Variants in RNF112 observed in about 807,000 individuals in gnomAD.
RNF112 encodes ring finger protein 112, also known as brain finger protein.
RNF112 carries 34 observed loss-of-function variants against 64.7 expected under a neutral mutation model. The observed-to-expected ratio is 0.53, with a 90% CI of 0.40 to 0.70. RNF112 has a LOEUF of 0.70. Among genes scored for constraint, RNF112 ranks in the 30% least tolerant of loss-of-function variants. The pLI, the probability that RNF112 is intolerant of heterozygous loss-of-function variation, is 0.00. For missense variants in RNF112, 734 were observed against 850.0 expected (o/e 0.86, Z 1.70); for synonymous variants, 345 against 344.5 (o/e 1.00, Z -0.02).
Position 19,415,221 on chromosome 17 carries a change from C to T in RNF112, c.1296+14C>T. On this transcript the variant is annotated intron_variant, in intron 11 of 13. Coordinates refer to ENST00000461366, the MANE Select transcript of RNF112 (RefSeq NM_007148.5). The surrounding 1 kb of genome is among the most constrained non-coding windows in gnomAD (Gnocchi z 7.8). ...CAGGAAATCAAGGTGTGAAAACTCC[C>T]TGGAGACCCAGGCGACTCGGCTGGG... 1 of 1,601,824 alleles carries T rather than the reference C, an allele frequency of 6.2e-7. No homozygotes were observed. Among genetic ancestry groups the T allele is most frequent in the East Asian group, 2.2e-5 (1 of 44,840 alleles).
rs1296843994 is a variant in RNF112, at chr17:19,417,268, G to A, written c.*1093G>A. On this transcript the variant is annotated 3_prime_UTR_variant, in exon 14 of 14. Coordinates refer to ENST00000461366, the MANE Select transcript of RNF112 (RefSeq NM_007148.5). Reference sequence around the variant, plus strand: ...TTATTTTATGAAAAATAAAATGTGTGTATGTGAATGTCAGCTTCCCAGTAT... The same window carrying A: ...TTATTTTATGAAAAATAAAATGTGTATATGTGAATGTCAGCTTCCCAGTAT... 18 of 152,214 alleles carry A rather than the reference G, an allele frequency of 1.2e-4. No individual in the cohort carries two copies. Among genetic ancestry groups the A allele is most frequent in the Admixed American group, 1.2e-3 (18 of 15,274 alleles). 9.4% of individuals were successfully genotyped at this position (152,214 alleles called of 1,614,324 possible).
chr17:19,412,967 G>A lies in RNF112; in HGVS notation c.411G>A (p.Leu137=), dbSNP rs752733737. Residue 137 remains leucine (L), a synonymous_variant, in exon 4 of 14, where the codon CTG becomes CTA. Transcript: ENST00000461366. The surrounding 1 kb of genome is among the most constrained non-coding windows in gnomAD (Gnocchi z 5.1). ...CGTGTCCTGTGAGGGCGGAGCCGCT[G>A]CTGCTGGTTCGCATCAATGCCTCTG... is the stretch of plus-strand genomic sequence containing the variant. The part of the protein sequence containing the change: ...QETCPVRAEP[L]LLVRINASGG... The A allele has an allele frequency of 3.7e-6, 6 of 1,604,604 alleles. No individual in the cohort carries two copies. The Admixed American group carries it at 1.0e-4, about 27-fold the overall frequency.
Position 19,415,556 on chromosome 17 carries a change from T to G in RNF112, c.1389T>G (p.Ala463=), listed in dbSNP as rs1384265524. The G allele has an allele frequency of 6.2e-7, 1 of 1,612,696 alleles. No homozygotes were observed. Among genetic ancestry groups the G allele is most frequent in the Non-Finnish European group, 8.5e-7 (1 of 1,179,536 alleles). ...TGCACGACCTGAGGAAGGTGGAAGC[T>G]GCCAAGAGGGAGTTCGAGGAGTATG... ...AQLHDLRKVE[A]AKREFEEYVR... The change falls in exon 13 of 14, where the codon GCT becomes GCG. Residue 463 remains alanine (A), a synonymous_variant. Coordinates refer to ENST00000461366, the MANE Select transcript of RNF112 (RefSeq NM_007148.5). This position sits in a 1 kb window ranked among gnomAD's most constrained non-coding sequence, Gnocchi z 7.8.
rs1456506055 is a variant in RNF112, at chr17:19,412,136, C to T, written c.96-362C>T. Among the ~76,000 whole-genome samples the T allele has an allele frequency of 6.6e-6, 1 of 152,212 alleles. No homozygotes were observed. The highest frequency in any genetic ancestry group is 2.4e-5 in the African/African-American group (1 of 41,458). ...ACGGCCCCATGAGGGGTATTGCTAT[C>T]CTCTCCATTGGGACAGTTAGGAAAT... is the stretch of plus-strand genomic sequence containing the variant. On this transcript the variant is annotated intron_variant, in intron 2 of 13. Coordinates refer to ENST00000461366, the MANE Select transcript of RNF112 (RefSeq NM_007148.5). This position sits in a 1 kb window ranked among gnomAD's most constrained non-coding sequence, Gnocchi z 5.1.
rs540023614 is a variant in RNF112 at position 19,416,239 on chromosome 17, C to T, written c.*64C>T. On this transcript the variant is annotated 3_prime_UTR_variant, in exon 14 of 14. Transcript: ENST00000461366. ...GTGGGGATGAAGAAGAGGGGCAGGT[C>T]GGGGGAGGGTGATGCCAGGGATTCC... The T allele has an allele frequency of 4.9e-4, 690 of 1,395,864 alleles. No individual in the cohort carries two copies. The African/African-American group carries it at 8.2e-3, about 17-fold the overall frequency. The allele number at this position is 1,395,864 out of a possible 1,614,324, so 86.5% of individuals were successfully genotyped here.
At chr17:19,414,382 C>T in intron 7 of RNF112, 67 bp from the exon 8 acceptor site, 2 of 1,586,066 alleles carry the variant, frequency 1.3e-6, no homozygotes, top group Admixed American at 1.7e-5. Flanking sequence ...GGTGGGGAGA[C>T]AGGCTTGGGG....
In RNF112 at chr17:19,415,815, A is replaced by T. The variant is rs778418138; in HGVS notation, c.1536A>T (p.Leu512Phe). The T allele has an allele frequency of 2.4e-5, 38 of 1,613,520 alleles. No homozygotes were observed. In the South Asian group the frequency reaches 4.2e-4, roughly 18 times the overall value. Residue 512 changes from leucine to phenylalanine, a missense_variant, in exon 14 of 14, where the codon TTA (leucine) becomes TTT (phenylalanine). Transcript: ENST00000461366. The surrounding 1 kb of genome is among the most constrained non-coding windows in gnomAD (Gnocchi z 7.8). ...DAILARHGVA[L>F]LCKGRDQTLE... ...TTCTGGCCCGCCATGGTGTGGCCTT[A>T]CTCTGCAAGGGGAGAGATCAGACCT...
intron 2 of RNF112, 95 bp downstream of exon 2, chr17:19,411,765 A>T: frequency 3.0e-6 from 4 of 1,322,744 alleles, no homozygotes; most frequent in East Asian, 2.5e-5. Context: ...CCGGCAGCCC[A>T]GCCGGGAGGG....
intron 1 of RNF112, 77 bp from the exon 2 acceptor site, chr17:19,411,553 G>C: frequency 6.5e-7 from 1 of 1,538,134 alleles, no homozygotes; most frequent in Non-Finnish European, 8.8e-7. Flanking sequence ...GGAGGATGAG[G>C]GGTCCCTGGA....
rs1414525871 is a variant in RNF112 at position 19,412,908 on chromosome 17, C to T, written c.382-30C>T. On this transcript the variant is annotated intron_variant, in intron 3 of 13. Coordinates refer to ENST00000461366, the MANE Select transcript of RNF112 (RefSeq NM_007148.5). This position sits in a 1 kb window ranked among gnomAD's most constrained non-coding sequence, Gnocchi z 5.1. ...CAGGGTCAGGAGCTGGTCCTGGATG[C>T]TCAGGGGCCCCTCTCTTCTCCTGGC... 1 of 1,564,326 alleles carries T rather than the reference C, an allele frequency of 6.4e-7. No homozygotes were observed. Among genetic ancestry groups the T allele is most frequent in the Non-Finnish European group, 8.7e-7 (1 of 1,155,828 alleles).
In RNF112 at chr17:19,415,870, A is replaced by G. The variant is rs775572929; in HGVS notation, c.1591A>G (p.Thr531Ala). ...LEALEAELQA[T>A]AKAFMDSYTM... is the part of the protein sequence containing the mutation. ...GGCACTGGAAGCTGAGCTGCAGGCC[A>G]CGGCCAAGGCCTTCATGGACTCCTA... The change falls in exon 14 of 14, where the codon ACG becomes GCG. Residue 531 changes from threonine (T) to alanine (A), a missense_variant. By Grantham distance (58) the Thr-to-Ala change is moderately conservative. Coordinates refer to ENST00000461366, the MANE Select transcript of RNF112 (RefSeq NM_007148.5). This position sits in a 1 kb window ranked among gnomAD's most constrained non-coding sequence, Gnocchi z 7.8. 6.2e-7 allele frequency: 1 copy of G among 1,613,742 alleles called. No individual in the cohort carries two copies. Among genetic ancestry groups the G allele is most frequent in the Non-Finnish European group, 8.5e-7 (1 of 1,179,854 alleles).
At position 19,412,399 on chromosome 17, in the gene RNF112, C is replaced by G. The variant is rs921151256; in HGVS notation, c.96-99C>G. ...TGGAAATTGGGTTGGCACAAAGGGA[C>G]CTCCACTCCCAAGCCATCAGTCTTC... On this transcript the variant is annotated intron_variant, in intron 2 of 13. Coordinates refer to ENST00000461366, the MANE Select transcript of RNF112 (RefSeq NM_007148.5). This position sits in a 1 kb window ranked among gnomAD's most constrained non-coding sequence, Gnocchi z 5.1. 2 of 1,314,610 alleles carry G rather than the reference C, an allele frequency of 1.5e-6. No homozygotes were observed. The highest frequency in any genetic ancestry group is 1.5e-5 in the African/African-American group (1 of 66,964). 81.4% of individuals were successfully genotyped at this position (1,314,610 alleles called of 1,614,324 possible).
intron 2 of RNF112, 144 bp downstream of exon 2, chr17:19,411,814 A>C: frequency 1.2e-6 from 1 of 849,452 alleles, no homozygotes; most frequent in Non-Finnish European, 1.9e-6. Context: ...CTGTGGAGGG[A>C]GGGACAGGAA....
Position 19,415,994 on chromosome 17 carries a change from C to T in RNF112, c.1715C>T (p.Ala572Val). ...AGGVVGAGMA[A>V]AALAAEAGMV... ...GGCGTGGTGGGTGCTGGCATGGCAGCAGCTGCACTGGCTGCAGAGGCTGGG... is the reference window on the plus strand; with the variant it reads ...GGCGTGGTGGGTGCTGGCATGGCAGTAGCTGCACTGGCTGCAGAGGCTGGG... The change falls in exon 14 of 14, where the codon GCA becomes GTA. Residue 572 changes from alanine (A) to valine (V), a missense_variant. By Grantham distance (64) the Ala-to-Val change is moderately conservative. Transcript: ENST00000461366. The surrounding 1 kb of genome is among the most constrained non-coding windows in gnomAD (Gnocchi z 7.8). The T allele has an allele frequency of 6.4e-7, 1 of 1,560,712 alleles. No homozygotes were observed.
At chr17:19,411,489 A>G in intron 1 of RNF112, 27 bp downstream of exon 1, 1 of 1,315,372 alleles carries the variant, frequency 7.6e-7, no homozygotes. Flanking sequence ...AAGATCGGGA[A>G]GGAGAGTGGG....
intron 2 of RNF112, 65 bp downstream of exon 2, chr17:19,411,735 C>T (rs569827577): frequency 1.3e-6 from 2 of 1,501,878 alleles, no homozygotes; most frequent in Admixed American, 2.0e-5. Context: ...GTTGAAATGG[C>T]CGGTCCTGGA....
chr17:19,416,299 A>G lies in RNF112; in HGVS notation c.*124A>G. 4.4e-6 allele frequency: 4 copies of G among 906,416 alleles called. No individual in the cohort carries two copies. Among genetic ancestry groups the G allele is most frequent in the Non-Finnish European group, 6.4e-6 (4 of 626,684 alleles). 56.1% of individuals were successfully genotyped at this position (906,416 alleles called of 1,614,324 possible). On this transcript the variant is annotated 3_prime_UTR_variant, in exon 14 of 14. Coordinates refer to ENST00000461366, the MANE Select transcript of RNF112 (RefSeq NM_007148.5). Reference sequence around the variant, plus strand: ...CCATGTACTGCACTGCCCTGGTCGAATGCTCGGTGTCTGGGTGGCAGCTGA... The same window carrying G: ...CCATGTACTGCACTGCCCTGGTCGAGTGCTCGGTGTCTGGGTGGCAGCTGA...
chr17:19,412,912 GGGGCCCCTCTCTTCTCCT>G lies in RNF112; in HGVS notation c.382-23_382-6del. 2 of 1,566,492 alleles carry G rather than the reference GGGGCCCCTCTCTTCTCCT, an allele frequency of 1.3e-6. No homozygotes were observed. The highest frequency in any genetic ancestry group is 1.7e-6 in the Non-Finnish European group (2 of 1,156,964). On this transcript the variant is annotated splice_region_variant and splice_polypyrimidine_tract_variant and intron_variant, in intron 3 of 13. Coordinates refer to ENST00000461366, the MANE Select transcript of RNF112 (RefSeq NM_007148.5). This position sits in a 1 kb window ranked among gnomAD's most constrained non-coding sequence, Gnocchi z 5.1. The stretch of plus-strand genomic sequence containing the variant: ...GTCAGGAGCTGGTCCTGGATGCTCA[GGGGCCCCTCTCTTCTCCT>G]GGCCCAGGAGACGTGTCCTGTGAGG...
intron 9 of RNF112, 32 bp downstream of exon 9, chr17:19,414,692 C>T: frequency 6.2e-7 from 1 of 1,610,080 alleles, no homozygotes; most frequent in Non-Finnish European, 8.5e-7. Flanking sequence ...GGTGGAGGGG[C>T]CATGGACAGG....
Sources: gnomAD v4.1 joint callset for allele counts (sites outside exome capture counted in the v4.1 genomes callset) on GRCh38, gnomAD v4.1.1 for gene constraint, Gnocchi (gnomAD v3.1) non-coding constraint, MANE v1.5 for transcripts, NCBI Gene and HGNC (gene_info 2026-07-23, HGNC 2026-07-21) for gene names.